Variants in TGFBRAP1 observed in about 807,000 individuals in gnomAD.
TGFBRAP1 encodes the protein transforming growth factor beta receptor associated protein 1, also known as transforming growth factor-beta receptor-associated protein 1.
TGFBRAP1 carries 20 observed loss-of-function variants against 83.2 expected under a neutral mutation model. The observed-to-expected ratio is 0.24, with a 90% CI of 0.17 to 0.35. The LOEUF (loss-of-function observed/expected upper bound fraction) is 0.35, where lower values mean the gene tolerates loss of function less well. Ranked by LOEUF, TGFBRAP1 falls within the 10% of genes least tolerant of loss-of-function variation. The probability of loss-of-function intolerance (pLI) is 1.00; values close to 1 mark genes in which losing one functional copy is unlikely to be tolerated. For synonymous variants in TGFBRAP1, 415 were observed against 459.8 expected, an observed-to-expected ratio of 0.90 and a Z score of 1.25; for missense variants, 950 against 1,099.4, an observed-to-expected ratio of 0.86 and a Z score of 1.92.
intron 4 of TGFBRAP1, among the ~76,000 whole-genome samples, chr2:105,295,714 G>A (rs13035284): frequency 0.17 from 25,785 of 151,058 alleles, 2,732 homozygotes; most frequent in Middle Eastern, 0.26. Context: ...GGGAGGCTGA[G>A]GCAGGAGAAT....
chr2:105,285,603 C>T (rs1021482654), intron 4 of TGFBRAP1, among the ~76,000 whole-genome samples: 13 of 152,178 alleles, frequency 8.5e-5, no homozygotes, highest in Admixed American at 1.3e-4. Flanking sequence ...AGTGGAACCT[C>T]GGTGTTGAAA....
At chr2:105,313,068 C>T (rs551690248) in intron 1 of TGFBRAP1, among the ~76,000 whole-genome samples, 3 of 151,886 alleles carry the variant, frequency 2.0e-5, no homozygotes, top group Admixed American at 6.6e-5. Flanking sequence ...GCAGAGATCG[C>T]GCCACTGCAC....
intron 3 of TGFBRAP1, among the ~76,000 whole-genome samples, chr2:105,296,756 CTTTTTTTTTTTT>C (rs60031957): frequency 6.8e-5 from 5 of 73,214 alleles, no homozygotes; most frequent in Admixed American, 1.9e-4. Flanking sequence ...CTTTTTTTGC[CTTTTTTTTTTTT>C]TTTTTTTTTT....
chr2:105,279,976 T>C (rs1201704636), intron 6 of TGFBRAP1, among the ~76,000 whole-genome samples: 3 of 151,586 alleles, frequency 2.0e-5, no homozygotes, highest in Non-Finnish European at 4.4e-5. Context: ...AGGTGGAGGT[T>C]GCAGTGAGCT....
chr2:105,269,476 G>A lies in TGFBRAP1; in HGVS notation c.2202C>T (p.Ala734=), dbSNP rs150534341. ...GGTTCAGCAGGTCCACGGCAGCCAC[G>A]GCCAGCTCGTGGGCAGTGGGGCCAG... ...LHAGPTAHEL[A]VAAVDLLNRH... is the part of the protein sequence containing the mutation. Residue 734 remains alanine (A), a synonymous_variant, in exon 11 of 12, where the codon GCC becomes GCT. Coordinates refer to ENST00000393359, the MANE Select transcript of TGFBRAP1 (RefSeq NM_004257.6). This position sits in a 1 kb window ranked among gnomAD's most constrained non-coding sequence, Gnocchi z 4.1. The A allele has an allele frequency of 2.1e-4, 333 of 1,613,358 alleles. No homozygotes were observed. In the African/African-American group the frequency reaches 3.9e-3, roughly 19 times the overall value.
intron 1 of TGFBRAP1, among the ~76,000 whole-genome samples, chr2:105,329,249 C>A (rs1482143433): frequency 6.6e-6 from 1 of 152,018 alleles, no homozygotes; most frequent in Non-Finnish European, 1.5e-5. Flanking sequence ...AAATCAAGGA[C>A]GAGGTCTCTC....
the TGFBRAP1 span, among the ~76,000 whole-genome samples, chr2:105,255,597 A>G: frequency 6.6e-6 from 1 of 152,198 alleles, no homozygotes. Flanking sequence ...GTGAGATTAC[A>G]GATATGAGCC....
chr2:105,300,377 A>C (rs1008354386), intron 2 of TGFBRAP1, among the ~76,000 whole-genome samples: 3 of 151,922 alleles, frequency 2.0e-5, no homozygotes, highest in Non-Finnish European at 4.4e-5. Flanking sequence ...AAGATTATTG[A>C]CTATTATTTC....
At chr2:105,301,356 G>A (rs1179405582) in intron 2 of TGFBRAP1, among the ~76,000 whole-genome samples, 1 of 151,998 alleles carries the variant, frequency 6.6e-6, no homozygotes, top group Non-Finnish European at 1.5e-5. Flanking sequence ...AGGCTGAGGC[G>A]GGTGGATCAC....
the TGFBRAP1 span, among the ~76,000 whole-genome samples, chr2:105,255,395 C>A: frequency 6.6e-6 from 1 of 152,054 alleles, no homozygotes; most frequent in Non-Finnish European, 1.5e-5. Flanking sequence ...AATCATGGCT[C>A]ACTGCAGCCC....
chr2:105,264,736 T>A lies in TGFBRAP1; in HGVS notation c.*2647A>T, dbSNP rs1459687173. On this transcript the variant is annotated 3_prime_UTR_variant, in exon 12 of 12. Coordinates refer to ENST00000393359, the MANE Select transcript of TGFBRAP1 (RefSeq NM_004257.6). ...CCAGTGCAACGCAGCCTGAGTGACA[T>A]CCCTACATTAATACTTGATAGGGAA... The A allele has an allele frequency of 6.6e-6, 1 of 152,204 alleles. No individual in the cohort carries two copies. The highest frequency in any genetic ancestry group is 1.5e-5 in the Non-Finnish European group (1 of 68,038). 9.4% of individuals were successfully genotyped at this position (152,204 alleles called of 1,614,324 possible). A position where few individuals can be genotyped will look rare whatever the true frequency, so the allele number is the denominator to read the frequency against.
intron 1 of TGFBRAP1, among the ~76,000 whole-genome samples, chr2:105,322,042 C>T (rs915665544): frequency 1.3e-5 from 2 of 152,148 alleles, no homozygotes; most frequent in Non-Finnish European, 2.9e-5. Flanking sequence ...CAGCTCCACA[C>T]ATGTTACTGC....
In TGFBRAP1 at chr2:105,288,408, A is replaced by C. The variant is rs570921676; in HGVS notation, c.1039-4010T>G. 1.8e-3 allele frequency among the ~76,000 whole-genome samples: 275 copies of C among 152,318 alleles called. 1 individual carries two copies. The highest frequency in any genetic ancestry group is 6.5e-3 in the African/African-American group (269 of 41,588). On this transcript the variant is annotated intron_variant, in intron 4 of 11. Coordinates refer to ENST00000393359, the MANE Select transcript of TGFBRAP1 (RefSeq NM_004257.6). ...CAGGGACAGGATGGGGCTAAGAGGC[A>C]GTGGGTCACCCTGGCTAGATTATAC...
chr2:105,267,792 T>C, intron 11 of TGFBRAP1: 2 of 985,440 alleles, frequency 2.0e-6, no homozygotes, highest in Non-Finnish European at 2.4e-6. Flanking sequence ...ACAAAAGTAA[T>C]TGTTGCTTGT....
chr2:105,302,009 TAA>T (rs35548542), intron 2 of TGFBRAP1, among the ~76,000 whole-genome samples: 852 of 75,054 alleles, frequency 0.011, 13 homozygotes, highest in African/African-American at 0.041. Context: ...TAAAGAATAC[TAA>T]AAAAAAAAAA....
chr2:105,277,605 T>C lies in TGFBRAP1; in HGVS notation c.1521+9A>G. 1.9e-6 allele frequency: 3 copies of C among 1,614,048 alleles called. No individual in the cohort carries two copies. Among genetic ancestry groups the C allele is most frequent in the Non-Finnish European group, 2.5e-6 (3 of 1,179,904 alleles). ...TTTTTAAATCATGTGGAAACCCTTCTAGACTCACCTGAACTGCAGCAGCAT... is the reference window on the plus strand; with the variant it reads ...TTTTTAAATCATGTGGAAACCCTTCCAGACTCACCTGAACTGCAGCAGCAT... On this transcript the variant is annotated intron_variant, in intron 7 of 11. Transcript: ENST00000393359.
the TGFBRAP1 span, among the ~76,000 whole-genome samples, chr2:105,253,191 G>A: frequency 6.6e-6 from 1 of 152,122 alleles, no homozygotes; most frequent in Non-Finnish European, 1.5e-5. Context: ...GGAGTGCAGT[G>A]GTGCGATCTC....
At chr2:105,251,753 G>A in the TGFBRAP1 span, among the ~76,000 whole-genome samples, 7 of 151,802 alleles carry the variant, frequency 4.6e-5, no homozygotes, top group Admixed American at 1.3e-4. Flanking sequence ...CCATGTCTGT[G>A]TAGAAAGAGG....
intron 7 of TGFBRAP1, among the ~76,000 whole-genome samples, chr2:105,275,988 G>A (rs903638624): frequency 1.3e-5 from 2 of 151,946 alleles, no homozygotes; most frequent in African/African-American, 2.4e-5. Flanking sequence ...TATATGCAGG[G>A]AGGTGAATAT....
Sources: gnomAD v4.1 joint callset for allele counts (sites outside exome capture counted in the v4.1 genomes callset) on GRCh38, gnomAD v4.1.1 for gene constraint, Gnocchi (gnomAD v3.1) non-coding constraint, MANE v1.5 for transcripts, NCBI Gene and HGNC (gene_info 2026-07-23, HGNC 2026-07-21) for gene names.